Variants in CYP7B1 observed in about 807,000 individuals in gnomAD.
CYP7B1 encodes the protein cytochrome P450 7B1.
Under a neutral mutation model 42.7 loss-of-function variants are expected in CYP7B1, and 29 were observed. The observed-to-expected ratio is 0.68, with a 90% confidence interval of 0.51 to 0.93. The LOEUF (loss-of-function observed/expected upper bound fraction) is 0.93. Among genes scored for constraint, CYP7B1 ranks in the 40% least tolerant of loss-of-function variants. CYP7B1 has a pLI of 0.00. For synonymous variants in CYP7B1, 235 were observed against 218.2 expected, an observed-to-expected ratio of 1.08 and a Z score of -0.68; for missense variants, 655 against 600.5, an observed-to-expected ratio of 1.09 and a Z score of -0.95.
chr8:64,695,388 G>A (rs532587642), intron 1 of CYP7B1, among the ~76,000 whole-genome samples: 3 of 152,116 alleles, frequency 2.0e-5, no homozygotes, highest in Non-Finnish European at 4.4e-5. Flanking sequence ...ATTGGGCGGC[G>A]GGCTGAGGGA....
At chr8:64,633,224 G>C (rs906499276) in intron 1 of CYP7B1, among the ~76,000 whole-genome samples, 3 of 152,164 alleles carry the variant, frequency 2.0e-5, no homozygotes, top group African/African-American at 7.2e-5. Flanking sequence ...TTATCATTCA[G>C]ACTGAGATAA....
intron 1 of CYP7B1, among the ~76,000 whole-genome samples, chr8:64,669,756 C>T (rs1317150868): frequency 6.6e-6 from 1 of 151,802 alleles, no homozygotes; most frequent in Admixed American, 6.6e-5. Context: ...CATACACACA[C>T]CCCTCCCCAG....
At chr8:64,784,283 A>G (rs572717805) in intron 1 of CYP7B1, among the ~76,000 whole-genome samples, 1 of 152,324 alleles carries the variant, frequency 6.6e-6, no homozygotes, top group African/African-American at 2.4e-5. Flanking sequence ...ACAAAAATTG[A>G]AAAAGAACAA....
chr8:64,673,448 G>T (rs1806396935), intron 1 of CYP7B1, among the ~76,000 whole-genome samples: 1 of 152,056 alleles, frequency 6.6e-6, no homozygotes, highest in Non-Finnish European at 1.5e-5. Flanking sequence ...ATGCTCCCCT[G>T]CTCTGGACTT....
At chr8:64,604,940 T>TAATA (rs1805257776) in intron 4 of CYP7B1, 83 bp from the exon 5 acceptor site, 1 of 1,406,544 alleles carries the variant, frequency 7.1e-7, no homozygotes, top group Admixed American at 1.9e-5. Flanking sequence ...AACTCATTAC[T>TAATA]AATAGCCTTG....
At chr8:64,671,173 T>A (rs984243949) in intron 1 of CYP7B1, among the ~76,000 whole-genome samples, 1 of 152,062 alleles carries the variant, frequency 6.6e-6, no homozygotes, top group African/African-American at 2.4e-5. Flanking sequence ...TTTATGTAAA[T>A]GCCTCCCCCT....
chr8:64,792,101 C>T (rs13258738), intron 1 of CYP7B1, among the ~76,000 whole-genome samples: 16,099 of 152,064 alleles, frequency 0.11, 1,139 homozygotes, highest in Non-Finnish European at 0.16. Flanking sequence ...AAAAGGGATC[C>T]TTATATAAAG....
chr8:64,725,403 C>G (rs1362829171), intron 1 of CYP7B1, among the ~76,000 whole-genome samples: 1 of 152,212 alleles, frequency 6.6e-6, no homozygotes, highest in East Asian at 1.9e-4. Context: ...TCCACTTTCC[C>G]CCTGTGTCAA....
chr8:64,753,744 G>A (rs1463141510), intron 1 of CYP7B1, among the ~76,000 whole-genome samples: 2 of 152,230 alleles, frequency 1.3e-5, no homozygotes, highest in South Asian at 2.1e-4. Flanking sequence ...TTCACAGGGT[G>A]AGAGGACTGC....
At chr8:64,624,102 G>A (rs1252052897) in intron 2 of CYP7B1, among the ~76,000 whole-genome samples, 3 of 151,838 alleles carry the variant, frequency 2.0e-5, no homozygotes, top group Non-Finnish European at 4.4e-5. Context: ...TCTAGCTTTT[G>A]TATAGTTATA....
chr8:64,794,982 A>T (rs989726464), intron 1 of CYP7B1, among the ~76,000 whole-genome samples: 1 of 152,108 alleles, frequency 6.6e-6, no homozygotes, highest in African/African-American at 2.4e-5. Flanking sequence ...AGCAACGTAA[A>T]CCCTCATGTA....
intron 1 of CYP7B1, among the ~76,000 whole-genome samples, chr8:64,632,670 T>C (rs964338523): frequency 4.6e-5 from 7 of 152,022 alleles, no homozygotes; most frequent in South Asian, 2.1e-4. Flanking sequence ...CCTAGCACAA[T>C]AGAAACAGAG....
In CYP7B1 at chr8:64,604,867, A is replaced by G. The variant is rs1483630507; in HGVS notation, c.1058-10T>C. 6.2e-7 allele frequency: 1 copy of G among 1,612,956 alleles called. No individual in the cohort carries two copies. The highest frequency in any genetic ancestry group is 8.5e-7 in the Non-Finnish European group (1 of 1,179,822). On this transcript the variant is annotated splice_polypyrimidine_tract_variant and intron_variant, in intron 4 of 5. Coordinates refer to ENST00000310193, the MANE Select transcript of CYP7B1 (RefSeq NM_004820.5). ...TCAAAAATGCTGCTTTCTGAAGGAAAAAAACAAACGATAGCTTATTAAGAT... is the reference window on the plus strand; with the variant it reads ...TCAAAAATGCTGCTTTCTGAAGGAAGAAAACAAACGATAGCTTATTAAGAT...
intron 1 of CYP7B1, among the ~76,000 whole-genome samples, chr8:64,721,130 T>C (rs1411953913): frequency 2.0e-5 from 3 of 152,036 alleles, no homozygotes; most frequent in African/African-American, 4.8e-5. Flanking sequence ...TAAACTTTCT[T>C]GCTATTTTTT....
At chr8:64,715,094 C>T (rs962938516) in intron 1 of CYP7B1, among the ~76,000 whole-genome samples, 3 of 152,156 alleles carry the variant, frequency 2.0e-5, no homozygotes, top group African/African-American at 4.8e-5. Context: ...TGTTGCTTTC[C>T]AAGGTGTCTA....
At chr8:64,637,709 T>C (rs967687466) in intron 1 of CYP7B1, among the ~76,000 whole-genome samples, 1 of 152,230 alleles carries the variant, frequency 6.6e-6, no homozygotes, top group African/African-American at 2.4e-5. Flanking sequence ...CCCCATCTTG[T>C]CTGTACCCTC....
intron 1 of CYP7B1, among the ~76,000 whole-genome samples, chr8:64,661,482 T>C (rs781485372): frequency 6.6e-6 from 1 of 152,216 alleles, no homozygotes; most frequent in Non-Finnish European, 1.5e-5. Flanking sequence ...CAGAGATGAT[T>C]TGAACTGTTT....
At chr8:64,778,529 C>G (rs137880584) in intron 1 of CYP7B1, among the ~76,000 whole-genome samples, 338 of 152,084 alleles carry the variant, frequency 2.2e-3, no homozygotes, top group African/African-American at 7.8e-3. Context: ...TGCTGCTACT[C>G]TAAGTGCAAT....
intron 1 of CYP7B1, among the ~76,000 whole-genome samples, chr8:64,680,088 A>G (rs1806512662): frequency 6.6e-6 from 1 of 152,020 alleles, no homozygotes; most frequent in South Asian, 2.1e-4. Context: ...CCCTGAAAAC[A>G]ACCATTATAC....
Sources: gnomAD v4.1 joint callset for allele counts (sites outside exome capture counted in the v4.1 genomes callset) on GRCh38, gnomAD v4.1.1 for gene constraint, MANE v1.5 for transcripts, NCBI Gene and HGNC (gene_info 2026-07-23, HGNC 2026-07-21) for gene names.